Variants in DYRK1B observed in about 807,000 individuals in gnomAD.
DYRK1B encodes dual specificity tyrosine phosphorylation regulated kinase 1B.
DYRK1B carries 20 observed loss-of-function variants against 57.1 expected under a neutral mutation model. The observed-to-expected ratio is 0.35, with a 90% CI of 0.25 to 0.51. The LOEUF is 0.51. Among genes scored for constraint, DYRK1B ranks in the 20% least tolerant of loss-of-function variants. The pLI, the probability that DYRK1B is intolerant of heterozygous loss-of-function variation, is 0.96. For synonymous variants in DYRK1B, 409 were observed against 384.7 expected (o/e 1.06, Z -0.74); for missense variants, 732 against 886.3 (o/e 0.83, Z 2.21).
chr19:39,828,520 T>TAGGAC lies in DYRK1B; in HGVS notation c.579_583dup (p.Tyr195CysfsTer19), dbSNP rs1198409163. ...GTTGCGCAGGAGGTCGTACAGGTTGTAGGACAGCAGCTCAAATACCAGGCA... is the reference window on the plus strand; with the variant it reads ...GTTGCGCAGGAGGTCGTACAGGTTGTAGGACAGGACAGCAGCTCAAATACCAGGCA... On this transcript the variant is annotated frameshift_variant, in exon 6 of 11. Coordinates refer to ENST00000323039, the MANE Select transcript of DYRK1B (RefSeq NM_004714.3). LOFTEE classifies it high-confidence loss of function. This position sits in a 1 kb window ranked among gnomAD's most constrained non-coding sequence, Gnocchi z 4.3. 1 of 1,613,498 alleles carries TAGGAC rather than the reference T, an allele frequency of 6.2e-7. No individual in the cohort carries two copies. The highest frequency in any genetic ancestry group is 8.5e-7 in the Non-Finnish European group (1 of 1,179,734).
chr19:39,833,409 G>A (rs1968920478), intron 1 of DYRK1B: 2 of 965,510 alleles, frequency 2.1e-6, no homozygotes, highest in South Asian at 9.6e-5. Flanking sequence ...CCGCGGCGGG[G>A]AGGGCAAGCG....
chr19:39,827,439 G>C lies in DYRK1B; in HGVS notation c.955-14C>G. 1 of 1,610,106 alleles carries C rather than the reference G, an allele frequency of 6.2e-7. No homozygotes were observed. On this transcript the variant is annotated splice_polypyrimidine_tract_variant and intron_variant, in intron 7 of 10. Coordinates refer to ENST00000323039, the MANE Select transcript of DYRK1B (RefSeq NM_004714.3). ...CATCTGGTCGACCTGTGAGCAGGCAGGGGTCAAGGTCATCAGGCCAGCCAG... is the reference window on the plus strand; with the variant it reads ...CATCTGGTCGACCTGTGAGCAGGCACGGGTCAAGGTCATCAGGCCAGCCAG...
intron 7 of DYRK1B, 38 bp downstream of exon 7, chr19:39,827,472 C>T: frequency 6.2e-7 from 1 of 1,609,760 alleles, no homozygotes; most frequent in Non-Finnish European, 8.5e-7. Context: ...CAGGCTCCAC[C>T]CCCTCCACCT....
chr19:39,828,223 C>A lies in DYRK1B; in HGVS notation c.807+74G>T. The A allele has an allele frequency of 6.6e-7, 1 of 1,523,146 alleles. No individual in the cohort carries two copies. Among genetic ancestry groups the A allele is most frequent in the South Asian group, 1.2e-5 (1 of 81,436 alleles). 94.4% of individuals were successfully genotyped at this position (1,523,146 alleles called of 1,614,324 possible). On this transcript the variant is annotated intron_variant, in intron 6 of 10. Transcript: ENST00000323039. This position sits in a 1 kb window ranked among gnomAD's most constrained non-coding sequence, Gnocchi z 4.3. ...TAATAATCCCATCCCAGCCAAGCCC[C>A]GCCCCTAAGCCTCCCGTTGGCTCTG...
In DYRK1B at chr19:39,830,109, G is replaced by C; in HGVS notation, c.373-82C>G. On this transcript the variant is annotated intron_variant, in intron 4 of 10. Coordinates refer to ENST00000323039, the MANE Select transcript of DYRK1B (RefSeq NM_004714.3). ...CCATTCTTCTCCCTCCAGGCAAGGAGACCCACCAAGAACACTATGCATACT... is the reference window on the plus strand; with the variant it reads ...CCATTCTTCTCCCTCCAGGCAAGGACACCCACCAAGAACACTATGCATACT... 2.6e-6 allele frequency: 4 copies of C among 1,537,658 alleles called. No individual in the cohort carries two copies. In the Admixed American group the frequency reaches 7.8e-5, roughly 30 times the overall value.
Position 39,825,747 on chromosome 19 carries a change from C to T in DYRK1B, c.1858G>A (p.Gly620Ser). 3 of 1,559,262 alleles carry T rather than the reference C, an allele frequency of 1.9e-6. No homozygotes were observed. Among genetic ancestry groups the T allele is most frequent in the Non-Finnish European group, 2.6e-6 (3 of 1,152,644 alleles). Residue 620 changes from glycine (G) to serine (S), a missense_variant, in exon 11 of 11, where the codon GGT (glycine) becomes AGT (serine). Transcript: ENST00000323039. ...ATLGPHLGLR[G>S]VPQSTAASS ...CTGGCTGCTGTGCTCTGGGGTACAC[C>T]ACGGAGGCCCAGGTGAGGCCCCAGA...
chr19:39,831,753 T>G, intron 2 of DYRK1B, 52 bp downstream of exon 2: 2 of 1,548,068 alleles, frequency 1.3e-6, no homozygotes, highest in Non-Finnish European at 1.7e-6. Flanking sequence ...GACCTTTCTA[T>G]CCCCAGCCTC....
chr19:39,825,765 G>T lies in DYRK1B; in HGVS notation c.1840C>A (p.Pro614Thr), dbSNP rs745880233. ...PPPDDPATLG[P>T]HLGLRGVPQS... is the part of the protein sequence containing the mutation. ...GGTACACCACGGAGGCCCAGGTGAGGCCCCAGAGTGGCAGGGTCATCAGGA... is the reference window on the plus strand; with the variant it reads ...GGTACACCACGGAGGCCCAGGTGAGTCCCCAGAGTGGCAGGGTCATCAGGA... Residue 614 changes from proline to threonine, a missense_variant, in exon 11 of 11, where the codon CCT becomes ACT. By Grantham distance (38) the Pro-to-Thr change is conservative. Around this residue, in one of 2 missense-constraint regions of DYRK1B, gnomAD observed 222 missense variants for 205.0 expected, o/e 1.08. Transcript: ENST00000323039. The T allele has an allele frequency of 2.3e-4, 367 of 1,570,412 alleles. No individual in the cohort carries two copies. The highest frequency in any genetic ancestry group is 3.0e-4 in the Non-Finnish European group (353 of 1,158,742).
intron 4 of DYRK1B, 115 bp downstream of exon 4, chr19:39,830,260 A>T: frequency 7.3e-7 from 1 of 1,377,954 alleles, no homozygotes; most frequent in Non-Finnish European, 1.0e-6. Context: ...AGGCACAGGG[A>T]AACTAAGTGG....
chr19:39,830,032 T>A lies in DYRK1B; in HGVS notation c.373-5A>T, dbSNP rs200639977. ...ATGATCATAGGCTTTCACCACCTGT[T>A]GGGGCAGGGCATGTCACGAAGAAAG... On this transcript the variant is annotated splice_polypyrimidine_tract_variant and splice_region_variant and intron_variant, in intron 4 of 10. Transcript: ENST00000323039. 5 of 1,613,756 alleles carry A rather than the reference T, an allele frequency of 3.1e-6. No homozygotes were observed. The highest frequency in any genetic ancestry group is 1.3e-5 in the African/African-American group (1 of 74,848).
rs1968626882 is a variant in DYRK1B, at chr19:39,828,165, C to T, written c.807+132G>A. ...AGTGGGCAGTATATTCACACCCCCACCCCAAGCATTATCCCTCAGTTCCCA... is the reference window on the plus strand; with the variant it reads ...AGTGGGCAGTATATTCACACCCCCATCCCAAGCATTATCCCTCAGTTCCCA... On this transcript the variant is annotated intron_variant, in intron 6 of 10. Coordinates refer to ENST00000323039, the MANE Select transcript of DYRK1B (RefSeq NM_004714.3). The surrounding 1 kb of genome is among the most constrained non-coding windows in gnomAD (Gnocchi z 4.3). The T allele has an allele frequency of 9.5e-7, 1 of 1,051,562 alleles. No individual in the cohort carries two copies. Among genetic ancestry groups the T allele is most frequent in the African/African-American group, 1.6e-5 (1 of 63,026 alleles). 65.1% of individuals were successfully genotyped at this position (1,051,562 alleles called of 1,614,324 possible).
chr19:39,827,208 G>T, intron 8 of DYRK1B, 77 bp downstream of exon 8: 1 of 1,505,240 alleles, frequency 6.6e-7, no homozygotes, highest in East Asian at 2.3e-5. Flanking sequence ...ACAAGGGAGA[G>T]GGAGCAGGGG....
rs1220103922 is a variant in DYRK1B, at chr19:39,830,038, AG to A, written c.373-12del. On this transcript the variant is annotated splice_polypyrimidine_tract_variant and intron_variant, in intron 4 of 10. Transcript: ENST00000323039. ...ATAGGCTTTCACCACCTGTTGGGGC[AG>A]GGCATGTCACGAAGAAAGGGGTGGG... 6.2e-7 allele frequency: 1 copy of A among 1,613,614 alleles called. No homozygotes were observed. The highest frequency in any genetic ancestry group is 1.1e-5 in the South Asian group (1 of 91,032).
At chr19:39,831,753 T>A in intron 2 of DYRK1B, 52 bp downstream of exon 2, 3 of 1,548,068 alleles carry the variant, frequency 1.9e-6, no homozygotes, top group Middle Eastern at 2.3e-4. Flanking sequence ...GACCTTTCTA[T>A]CCCCAGCCTC....
At chr19:39,831,194 C>T (rs1968792802) in intron 2 of DYRK1B, among the ~76,000 whole-genome samples, 1 of 152,144 alleles carries the variant, frequency 6.6e-6, no homozygotes. Flanking sequence ...GGGCCTCAAC[C>T]CATACTCCCA....
In DYRK1B at chr19:39,827,377, C is replaced by T. The variant is rs776153492; in HGVS notation, c.1003G>A (p.Ala335Thr). The T allele has an allele frequency of 6.2e-6, 10 of 1,613,644 alleles. No individual in the cohort carries two copies. Among genetic ancestry groups the T allele is most frequent in the South Asian group, 1.1e-5 (1 of 91,088 alleles). Residue 335 changes from alanine (A) to threonine (T), a missense_variant, in exon 8 of 11, where the codon GCC becomes ACC. Ala to Thr is a moderately conservative substitution (Grantham distance 58). Transcript: ENST00000323039. The part of the protein sequence containing the change: ...IVEVLGIPPA[A>T]MLDQAPKARK... The stretch of plus-strand genomic sequence containing the variant: ...GCCTTGGGCGCCTGGTCCAGCATGG[C>T]GGCCGGTGGGATGCCCAGCACCTCC...
In DYRK1B at chr19:39,826,910, C is replaced by T. The variant is rs1320191888; in HGVS notation, c.1173G>A (p.Ala391=). 2.8e-6 allele frequency: 4 copies of T among 1,418,810 alleles called. No individual in the cohort carries two copies. The highest frequency in any genetic ancestry group is 3.6e-6 in the Non-Finnish European group (4 of 1,096,518). 87.9% of individuals were successfully genotyped at this position (1,418,810 alleles called of 1,614,324 possible). A position where few individuals can be genotyped will look rare whatever the true frequency, so the allele number is the denominator to read the frequency against. Residue 391 remains alanine (A), a synonymous_variant, in exon 9 of 11, where the codon GCG becomes GCA. Transcript: ENST00000323039. The surrounding 1 kb of genome is among the most constrained non-coding windows in gnomAD (Gnocchi z 6.3). ...VQTGGPGGRR[A]GEPGHSPADY... is the part of the protein sequence containing the mutation. ...CGGCGGGGCTGTGGCCCGGCTCCCC[C>T]GCCCGCCGGCCCCCGGGCCCGCCCG...
At position 39,826,539 on chromosome 19, in the gene DYRK1B, C is replaced by T. The variant is rs1042668638; in HGVS notation, c.1411+133G>A. 7.3e-6 allele frequency: 8 copies of T among 1,096,580 alleles called. No individual in the cohort carries two copies. Among genetic ancestry groups the T allele is most frequent in the African/African-American group, 1.6e-5 (1 of 60,690 alleles). 67.9% of individuals were successfully genotyped at this position (1,096,580 alleles called of 1,614,324 possible). A position where few individuals can be genotyped will look rare whatever the true frequency, so the allele number is the denominator to read the frequency against. ...TCAGGGCCAGTTGGAGCTCTCCCAT[C>T]CCACACGTCATCTTACAGTTCAGGA... On this transcript the variant is annotated intron_variant, in intron 9 of 10. Transcript: ENST00000323039. The surrounding 1 kb of genome is among the most constrained non-coding windows in gnomAD (Gnocchi z 6.3).
chr19:39,832,871 G>A (rs1470802928), intron 1 of DYRK1B: 8 of 968,164 alleles, frequency 8.3e-6, no homozygotes, highest in African/African-American at 1.8e-5. Context: ...GAAGGAGGAG[G>A]TGTCTCTTCC....
Sources: allele counts gnomAD v4.1 joint callset (sites outside exome capture counted in the v4.1 genomes callset), GRCh38; gene constraint gnomAD v4.1.1; regional missense constraint gnomAD v4.1.1; non-coding constraint Gnocchi (gnomAD v3.1); transcripts MANE v1.5; gene names NCBI Gene and HGNC (gene_info 2026-07-23, HGNC 2026-07-21).